The following SMCO4 variants were observed in gnomAD, a reference collection of about 807,000 sequenced individuals.
SMCO4 encodes the protein single-pass membrane protein with coiled-coil domains 4, also known as single-pass membrane and coiled-coil domain-containing protein 4.
SMCO4 carries 4 observed loss-of-function variants against 3.6 expected under a neutral mutation model. The observed-to-expected ratio is 1.11, with a 90% CI of 0.54 to 2.53. The LOEUF (loss-of-function observed/expected upper bound fraction) is 2.53, where lower values mean the gene tolerates loss of function less well. Ranked by LOEUF, SMCO4 falls within the 30% of genes most tolerant of loss-of-function variation. SMCO4 has a pLI of 0.02. For synonymous variants in SMCO4, 36 were observed against 35.3 expected (o/e 1.02, Z -0.07); for missense variants, 70 against 80.8 (o/e 0.87, Z 0.51).
At chr11:93,511,929 C>T (rs145469344) in intron 1 of SMCO4, among the ~76,000 whole-genome samples, 2 of 152,332 alleles carry the variant, frequency 1.3e-5, no homozygotes, top group East Asian at 1.9e-4. Context: ...CCCTCACTCA[C>T]TGATCCACCA....
the SMCO4 span, among the ~76,000 whole-genome samples, chr11:93,549,811 G>A: frequency 6.6e-6 from 1 of 151,956 alleles, no homozygotes; most frequent in Non-Finnish European, 1.5e-5. Flanking sequence ...CCAGCTTCTT[G>A]GATTTAAGAA....
chr11:93,505,700 A>C (rs1175887581), intron 1 of SMCO4, among the ~76,000 whole-genome samples: 1 of 152,232 alleles, frequency 6.6e-6, no homozygotes, highest in Non-Finnish European at 1.5e-5. Context: ...CCTTCAATCA[A>C]AAATGTATTT....
intron 2 of SMCO4, among the ~76,000 whole-genome samples, chr11:93,482,636 G>A (rs1474076351): frequency 2.0e-5 from 3 of 152,246 alleles, no homozygotes; most frequent in African/African-American, 4.8e-5. Flanking sequence ...GACCAAGACA[G>A]TCAAGAAGGT....
intron 1 of SMCO4, among the ~76,000 whole-genome samples, chr11:93,529,303 C>T (rs1213006374): frequency 6.6e-6 from 1 of 152,216 alleles, no homozygotes; most frequent in Non-Finnish European, 1.5e-5. Flanking sequence ...TCACAACTTT[C>T]ATTTTGGATG....
Position 93,514,411 on chromosome 11 carries a change from T to TACAC in SMCO4, c.-153-15064_-153-15063insGTGT, listed in dbSNP as rs1287900720. On this transcript the variant is annotated intron_variant, in intron 1 of 2. Transcript: ENST00000298966. ...ATATATATATATATATATATATATA[T>TACAC]ATATATATATAAAATTTGGTCTCTT... 5.8e-4 allele frequency among the ~76,000 whole-genome samples: 12 copies of TACAC among 20,854 alleles called. 1 individual carries two copies. Among genetic ancestry groups the TACAC allele is most frequent in the African/African-American group, 1.5e-3 (12 of 7,780 alleles). The allele number at this position is 20,854 out of a possible 152,430, so 13.7% of individuals were successfully genotyped here.
rs1348579523 is a variant in SMCO4 at position 93,478,746 on chromosome 11, CACACACAT to C, written c.*256_*263del. On this transcript the variant is annotated 3_prime_UTR_variant, in exon 3 of 3. Coordinates refer to ENST00000298966, the MANE Select transcript of SMCO4 (RefSeq NM_020179.3). The stretch of plus-strand genomic sequence containing the variant: ...ACACACACACACACACACACACACA[CACACACAT>C]GCGCGCGCGCTTTGAAGTCTGAAAG... 61 of 760,600 alleles carry C rather than the reference CACACACAT, an allele frequency of 8.0e-5. No homozygotes were observed. Among genetic ancestry groups the C allele is most frequent in the African/African-American group, 7.5e-4 (40 of 53,050 alleles). The allele number at this position is 760,600 out of a possible 1,614,324, so 47.1% of individuals were successfully genotyped here.
intron 1 of SMCO4, among the ~76,000 whole-genome samples, chr11:93,512,345 C>T (rs1187511297): frequency 6.6e-6 from 1 of 152,136 alleles, no homozygotes; most frequent in African/African-American, 2.4e-5. Context: ...TAGCACAAAG[C>T]ATTACTCCGT....
At chr11:93,479,493 T>G (rs1948566270) in intron 2 of SMCO4, among the ~76,000 whole-genome samples, 1 of 152,216 alleles carries the variant, frequency 6.6e-6, no homozygotes, top group African/African-American at 2.4e-5. Context: ...CAGCGCCAGC[T>G]GGACAAAGCC....
intron 1 of SMCO4, among the ~76,000 whole-genome samples, chr11:93,533,738 T>A (rs1949185527): frequency 6.6e-6 from 1 of 152,082 alleles, no homozygotes; most frequent in Non-Finnish European, 1.5e-5. Flanking sequence ...ACCTAAGGCC[T>A]CCACCGAAGC....
intron 2 of SMCO4, among the ~76,000 whole-genome samples, chr11:93,484,498 C>T (rs1245764838): frequency 6.6e-6 from 1 of 152,174 alleles, no homozygotes; most frequent in Non-Finnish European, 1.5e-5. Context: ...CGTCCCGACT[C>T]TCCTCCTCTG....
intron 1 of SMCO4, among the ~76,000 whole-genome samples, chr11:93,506,405 A>C (rs1948902335): frequency 6.6e-6 from 1 of 151,526 alleles, no homozygotes; most frequent in African/African-American, 2.4e-5. Flanking sequence ...TCACTGTATC[A>C]GTGGTCATTA....
intron 1 of SMCO4, among the ~76,000 whole-genome samples, chr11:93,532,595 T>C (rs551223423): frequency 6.6e-6 from 1 of 152,330 alleles, no homozygotes; most frequent in East Asian, 1.9e-4. Flanking sequence ...CTCATCTATC[T>C]GTCTATGTCC....
chr11:93,516,220 C>T (rs1268879211), intron 1 of SMCO4, among the ~76,000 whole-genome samples: 1 of 152,002 alleles, frequency 6.6e-6, no homozygotes, highest in Non-Finnish European at 1.5e-5. Context: ...TGGCAGGTCC[C>T]GGTAATGGGT....
chr11:93,516,617 C>T (rs1275129225), intron 1 of SMCO4, among the ~76,000 whole-genome samples: 1 of 152,052 alleles, frequency 6.6e-6, no homozygotes, highest in African/African-American at 2.4e-5. Flanking sequence ...TGGTGAAACC[C>T]CATCTCTACT....
chr11:93,532,868 C>T (rs933544205), intron 1 of SMCO4, among the ~76,000 whole-genome samples: 7 of 151,924 alleles, frequency 4.6e-5, no homozygotes, highest in South Asian at 2.1e-4. Context: ...ATAAACATGT[C>T]GTGTATTTTA....
intron 2 of SMCO4, among the ~76,000 whole-genome samples, chr11:93,487,712 T>C (rs1362555321): frequency 6.6e-6 from 1 of 152,202 alleles, no homozygotes; most frequent in Non-Finnish European, 1.5e-5. Flanking sequence ...CATTATTCAT[T>C]TCATCCTCAA....
At position 93,514,419 on chromosome 11, in the gene SMCO4, T is replaced by TATATATATATATATAA. The variant is rs1555077574; in HGVS notation, c.-153-15072_-153-15071insTTATATATATATATAT. On this transcript the variant is annotated intron_variant, in intron 1 of 2. Transcript: ENST00000298966. ...ATATATATATATATATATATATATA[T>TATATATATATATATAA]ATAAAATTTGGTCTCTTCCAAAGAT... Among the ~76,000 whole-genome samples the TATATATATATATATAA allele has an allele frequency of 2.6e-4, 11 of 42,570 alleles. 3 individuals carry two copies. The highest frequency in any genetic ancestry group is 8.1e-4 in the African/African-American group (11 of 13,624). The allele number at this position is 42,570 out of a possible 152,430, so 27.9% of individuals were successfully genotyped here.
intron 1 of SMCO4, among the ~76,000 whole-genome samples, chr11:93,507,507 A>G (rs1417403730): frequency 2.6e-5 from 4 of 152,206 alleles, no homozygotes; most frequent in African/African-American, 9.6e-5. Context: ...AACAAATGTG[A>G]TATGTTGATA....
intron 2 of SMCO4, chr11:93,481,625 T>G: frequency 1.7e-6 from 1 of 588,440 alleles, no homozygotes; most frequent in Non-Finnish European, 2.1e-6. Flanking sequence ...GAAAAATGTC[T>G]TGCCAACAGT....
Sources: allele counts gnomAD v4.1 joint callset (sites outside exome capture counted in the v4.1 genomes callset), GRCh38; gene constraint gnomAD v4.1.1; transcripts MANE v1.5; gene names NCBI Gene and HGNC (gene_info 2026-07-23, HGNC 2026-07-21).